SPON1: variants seen among roughly 807,000 people sequenced by gnomAD.
SPON1 encodes spondin-1.
SPON1 carries 52 observed loss-of-function variants against 111.7 expected under a neutral mutation model. The ratio of observed to expected loss-of-function variants is 0.47; its 90% CI spans 0.37 to 0.59. The LOEUF is 0.59. Ranked by LOEUF, SPON1 falls within the 20% of genes least tolerant of loss-of-function variation. The pLI is 0.00. For missense variants in SPON1, 957 were observed against 1,068.5 expected, an observed-to-expected ratio of 0.90 and a Z score of 1.46; for synonymous variants, 410 against 395.8, an observed-to-expected ratio of 1.04 and a Z score of -0.43.
chr11:14,080,682 C>A (rs7102409), intron 5 of SPON1, among the ~76,000 whole-genome samples: 11,981 of 152,218 alleles, frequency 0.079, 569 homozygotes, highest in South Asian at 0.19. Context: ...GCAAAAGGGA[C>A]CTGCTCTTGA....
intron 2 of SPON1, among the ~76,000 whole-genome samples, chr11:13,991,955 C>G (rs1192618192): frequency 6.6e-6 from 1 of 152,160 alleles, no homozygotes. Flanking sequence ...GGGGCACCTG[C>G]CAGATGCCAG....
chr11:14,124,425 G>A (rs949076120), intron 5 of SPON1, among the ~76,000 whole-genome samples: 1 of 152,196 alleles, frequency 6.6e-6, no homozygotes, highest in African/African-American at 2.4e-5. Context: ...TATTTGTGCT[G>A]TGACATTCTG....
intron 6 of SPON1, among the ~76,000 whole-genome samples, chr11:14,142,474 A>G (rs1206484027): frequency 6.6e-6 from 1 of 152,014 alleles, no homozygotes; most frequent in Non-Finnish European, 1.5e-5. Context: ...TTTTTTCCCA[A>G]AGTTGATCAT....
chr11:14,133,635 C>T (rs1303776428), intron 5 of SPON1, among the ~76,000 whole-genome samples: 1 of 152,182 alleles, frequency 6.6e-6, no homozygotes, highest in African/African-American at 2.4e-5. Context: ...GAAGCTGCTT[C>T]ACTCTGTGTC....
At chr11:14,260,134 T>C (rs1849155819) in intron 13 of SPON1, among the ~76,000 whole-genome samples, 1 of 152,194 alleles carries the variant, frequency 6.6e-6, no homozygotes, top group African/African-American at 2.4e-5. Flanking sequence ...CACAAATGCA[T>C]ATGGGCCTGC....
At chr11:14,173,880 G>GCAA (rs1554932807) in intron 6 of SPON1, among the ~76,000 whole-genome samples, 22 of 148,744 alleles carry the variant, frequency 1.5e-4, no homozygotes, top group Admixed American at 1.4e-3. Flanking sequence ...ACCTGGCCGT[G>GCAA]TGAGGTGTCA....
intron 2 of SPON1, among the ~76,000 whole-genome samples, chr11:13,992,390 G>T (rs1334691412): frequency 7.9e-5 from 12 of 152,158 alleles, no homozygotes; most frequent in Non-Finnish European, 1.6e-4. Context: ...CTCAGGAATG[G>T]CGGACGCCCC....
chr11:14,142,371 A>G (rs1554928867), intron 6 of SPON1, among the ~76,000 whole-genome samples: 1 of 152,094 alleles, frequency 6.6e-6, no homozygotes, highest in African/African-American at 2.4e-5. Context: ...CTCCTTTACC[A>G]TCTACTTCAA....
intron 6 of SPON1, among the ~76,000 whole-genome samples, chr11:14,176,352 A>C (rs897816258): frequency 2.0e-5 from 3 of 152,138 alleles, no homozygotes; most frequent in Non-Finnish European, 4.4e-5. Context: ...AACCGCCTCA[A>C]AATCTTTCTG....
chr11:14,022,985 C>A (rs1223528285), intron 2 of SPON1, among the ~76,000 whole-genome samples: 1 of 152,196 alleles, frequency 6.6e-6, no homozygotes, highest in African/African-American at 2.4e-5. Context: ...TCCTTCCTAA[C>A]TCCTTAAGGT....
intron 6 of SPON1, among the ~76,000 whole-genome samples, chr11:14,163,720 C>T (rs1378409054): frequency 6.6e-6 from 1 of 152,128 alleles, no homozygotes; most frequent in Non-Finnish European, 1.5e-5. Context: ...AAACTTACTA[C>T]ATTCTTGGAT....
At chr11:14,189,038 A>C (rs1554934318) in intron 6 of SPON1, among the ~76,000 whole-genome samples, 1 of 152,218 alleles carries the variant, frequency 6.6e-6, no homozygotes, top group African/African-American at 2.4e-5. Context: ...ACACATAAAA[A>C]TGTTCATATC....
chr11:14,244,531 A>G (rs1848966528), intron 7 of SPON1, among the ~76,000 whole-genome samples: 1 of 151,706 alleles, frequency 6.6e-6, no homozygotes, highest in East Asian at 1.9e-4. Flanking sequence ...AAAAAAAAAA[A>G]GAATCCAAAT....
In SPON1 at chr11:14,069,793, T is replaced by C. The variant is rs1848860992; in HGVS notation, c.480-5552T>C. On this transcript the variant is annotated intron_variant, in intron 3 of 15. Coordinates refer to ENST00000576479, the MANE Select transcript of SPON1 (RefSeq NM_006108.4). ...GTAGATGACCTCTGAATCTATAGCT[T>C]TGTGACCCCAAGCAGAGACTGCAGC... is the stretch of plus-strand genomic sequence containing the variant. Among the ~76,000 whole-genome samples, 6 of 150,852 alleles carry C rather than the reference T, an allele frequency of 4.0e-5. No homozygotes were observed. The Admixed American group carries it at 4.0e-4, about 10-fold the overall frequency.
chr11:14,239,679 C>T (rs375908875), intron 6 of SPON1, among the ~76,000 whole-genome samples: 28 of 152,272 alleles, frequency 1.8e-4, no homozygotes, highest in African/African-American at 5.5e-4. Flanking sequence ...GAGCTGAGAT[C>T]GTGCCACTGC....
At chr11:14,076,352 A>G (rs1848917874) in intron 4 of SPON1, among the ~76,000 whole-genome samples, 1 of 152,242 alleles carries the variant, frequency 6.6e-6, no homozygotes, top group Non-Finnish European at 1.5e-5. Flanking sequence ...CAACTATAGC[A>G]AAGTATAAGC....
At chr11:14,134,011 C>G (rs1456354247) in intron 5 of SPON1, among the ~76,000 whole-genome samples, 1 of 151,542 alleles carries the variant, frequency 6.6e-6, no homozygotes, top group African/African-American at 2.4e-5. Flanking sequence ...TAAACAGAAC[C>G]AGGCCATGTT....
chr11:14,137,484 G>GTGC (rs1465126276), intron 6 of SPON1, among the ~76,000 whole-genome samples: 4 of 152,140 alleles, frequency 2.6e-5, no homozygotes, highest in Non-Finnish European at 4.4e-5. Flanking sequence ...GGCCCCCTGG[G>GTGC]TGCTGGATAT....
At chr11:14,153,475 A>T (rs1847810009) in intron 6 of SPON1, among the ~76,000 whole-genome samples, 1 of 152,228 alleles carries the variant, frequency 6.6e-6, no homozygotes, top group African/African-American at 2.4e-5. Flanking sequence ...CTTTTAAACA[A>T]CCAAATCTCT....
Sources: gnomAD v4.1 joint callset for allele counts (sites outside exome capture counted in the v4.1 genomes callset) on GRCh38, gnomAD v4.1.1 for gene constraint, MANE v1.5 for transcripts, NCBI Gene and HGNC (gene_info 2026-07-23, HGNC 2026-07-21) for gene names.